Variants in ERVK3-1 observed in about 807,000 individuals in gnomAD.
ERVK3-1 encodes HERV-K(HML6-1).
rs1273283217 is a variant in ERVK3-1, at chr19:58,313,303, T to C, written c.294+841T>C. On this transcript the variant is annotated intron_variant, in intron 3 of 3. Transcript: ENST00000413518. This position sits in a 1 kb window ranked among gnomAD's most constrained non-coding sequence, Gnocchi z 4.5. ...GTTTTTTGTTGTTGTTGTTAACTGT[T>C]TGAGATGGAGTCTCACTCTGTCGCC... Among the ~76,000 whole-genome samples, 3 of 152,212 alleles carry C rather than the reference T, an allele frequency of 2.0e-5. No individual in the cohort carries two copies. Among genetic ancestry groups the C allele is most frequent in the African/African-American group, 7.2e-5 (3 of 41,448 alleles).
exon 4 of ERVK3-1, chr19:58,315,454 T>A (rs867481015): frequency 2.6e-5 from 4 of 152,338 alleles, no homozygotes; most frequent in South Asian, 4.1e-4. Flanking sequence ...CAATATGTGG[T>A]TTCTTGTGTC....
exon 4 of ERVK3-1, chr19:58,315,080 A>T: frequency 3.3e-6 from 1 of 304,230 alleles, no homozygotes; most frequent in East Asian, 5.2e-5. Flanking sequence ...TGTTAAATCA[A>T]ATAGCTGACC....
Position 58,310,141 on chromosome 19 carries a change from T to A in ERVK3-1, c.-3-2025T>A, listed in dbSNP as rs1430425124. 1 of 152,222 alleles carries A rather than the reference T, an allele frequency of 6.6e-6. No individual in the cohort carries two copies. The highest frequency in any genetic ancestry group is 1.5e-5 in the Non-Finnish European group (1 of 68,044). 9.4% of individuals were successfully genotyped at this position (152,222 alleles called of 1,614,324 possible). ...TAGAGTTTCAGCTCAACACTCTGAA[T>A]TAATGGCAGTTATTCAAGTTTTAAA... is the stretch of plus-strand genomic sequence containing the variant. On this transcript the variant is annotated intron_variant, in intron 2 of 3. Transcript: ENST00000413518. The surrounding 1 kb of genome is among the most constrained non-coding windows in gnomAD (Gnocchi z 4.7).
In ERVK3-1 at chr19:58,313,491, CCTT is replaced by C. The variant is rs113526965; in HGVS notation, c.294+1033_294+1035del. On this transcript the variant is annotated intron_variant, in intron 3 of 3. Coordinates refer to ENST00000413518, the Ensembl canonical transcript of ERVK3-1. The surrounding 1 kb of genome is among the most constrained non-coding windows in gnomAD (Gnocchi z 4.5). Reference sequence around the variant, plus strand: ...TATTTTTAATAGAAACGGGATTTCACCTTCTTGGCCAGGCTGCTCTTGAATTCC... The same window carrying C: ...TATTTTTAATAGAAACGGGATTTCACCTTGGCCAGGCTGCTCTTGAATTCC... Among the ~76,000 whole-genome samples, 20,669 of 152,074 alleles carry C rather than the reference CCTT, an allele frequency of 0.14. 2,300 individuals carry two copies. Among genetic ancestry groups the C allele is most frequent in the African/African-American group, 0.3 (12,370 of 41,406 alleles).
In ERVK3-1 at chr19:58,312,709, T is replaced by G. The variant is rs2051565136; in HGVS notation, c.294+247T>G. On this transcript the variant is annotated intron_variant, in intron 3 of 3. Coordinates refer to ENST00000413518, the Ensembl canonical transcript of ERVK3-1. The surrounding 1 kb of genome is among the most constrained non-coding windows in gnomAD (Gnocchi z 4.7). ...ACTGCAGCTGTCTTGCAGTCCAATC[T>G]CAGGCATGGTTAAGTCACCATGGAA... Among the ~76,000 whole-genome samples, 1 of 152,176 alleles carries G rather than the reference T, an allele frequency of 6.6e-6. No homozygotes were observed. Among genetic ancestry groups the G allele is most frequent in the Admixed American group, 6.5e-5 (1 of 15,274 alleles).
At position 58,313,666 on chromosome 19, in the gene ERVK3-1, T is replaced by C. The variant is rs1447555518; in HGVS notation, c.295-1082T>C. On this transcript the variant is annotated intron_variant, in intron 3 of 3. Coordinates refer to ENST00000413518, the Ensembl canonical transcript of ERVK3-1. The surrounding 1 kb of genome is among the most constrained non-coding windows in gnomAD (Gnocchi z 4.5). Reference sequence around the variant, plus strand: ...TCCACGTAAACATCACCCAGTTGACTTGTGACTCTTGTCAACTGTATCACT... The same window carrying C: ...TCCACGTAAACATCACCCAGTTGACCTGTGACTCTTGTCAACTGTATCACT... 6.6e-6 allele frequency among the ~76,000 whole-genome samples: 1 copy of C among 152,206 alleles called. No individual in the cohort carries two copies. The highest frequency in any genetic ancestry group is 1.5e-5 in the Non-Finnish European group (1 of 68,034).
chr19:58,308,235 A>G (rs2051536705), intron 2 of ERVK3-1, among the ~76,000 whole-genome samples: 1 of 152,254 alleles, frequency 6.6e-6, no homozygotes, highest in African/African-American at 2.4e-5. Context: ...ATCCCAACCC[A>G]TAGCTTCTAA....
chr19:58,311,855 T>C (rs61468392), intron 2 of ERVK3-1: 22,631 of 201,194 alleles, frequency 0.11, 1,858 homozygotes, highest in African/African-American at 0.23. Context: ...AAACAGGAAT[T>C]CCATACAATC....
intron 2 of ERVK3-1, among the ~76,000 whole-genome samples, chr19:58,306,793 C>G (rs2051526711): frequency 1.3e-5 from 2 of 152,108 alleles, no homozygotes; most frequent in South Asian, 4.1e-4. Context: ...TCCAAATAAT[C>G]CACAGCAGTT....
chr19:58,312,578 C>T lies in ERVK3-1; in HGVS notation c.294+116C>T, dbSNP rs994983967. 5.0e-6 allele frequency: 2 copies of T among 398,202 alleles called. No individual in the cohort carries two copies. The highest frequency in any genetic ancestry group is 8.9e-6 in the Non-Finnish European group (2 of 225,800). 24.7% of individuals were successfully genotyped at this position (398,202 alleles called of 1,614,324 possible). On this transcript the variant is annotated intron_variant, in intron 3 of 3. Coordinates refer to ENST00000413518, the Ensembl canonical transcript of ERVK3-1. The surrounding 1 kb of genome is among the most constrained non-coding windows in gnomAD (Gnocchi z 4.7). ...CCTGAGATATATTATGATCAGGGAG[C>T]GTGGGCACCAGGACCCCTAACTCCG...
intron 2 of ERVK3-1, among the ~76,000 whole-genome samples, chr19:58,307,616 TC>T (rs2051532115): frequency 1.3e-5 from 1 of 74,946 alleles, no homozygotes; most frequent in Non-Finnish European, 2.9e-5. Flanking sequence ...CGCCCCCCCC[TC>T]CCCGCCCCGC....
At chr19:58,308,246 T>C (rs916822525) in intron 2 of ERVK3-1, among the ~76,000 whole-genome samples, 20 of 152,250 alleles carry the variant, frequency 1.3e-4, no homozygotes, top group African/African-American at 3.6e-4. Flanking sequence ...TAGCTTCTAA[T>C]TGACCCACCT....
intron 2 of ERVK3-1, among the ~76,000 whole-genome samples, chr19:58,307,525 G>A (rs2051531138): frequency 6.6e-6 from 1 of 151,488 alleles, no homozygotes; most frequent in African/African-American, 2.4e-5. Flanking sequence ...GTGGGAAAAT[G>A]TTATAATTGT....
At chr19:58,314,156 T>C (rs1232910738) in intron 3 of ERVK3-1, among the ~76,000 whole-genome samples, 2 of 152,220 alleles carry the variant, frequency 1.3e-5, no homozygotes, top group Non-Finnish European at 2.9e-5. Flanking sequence ...CAATTTGGAA[T>C]AGAACCAAAG....
chr19:58,314,454 A>C (rs942502439), intron 3 of ERVK3-1, among the ~76,000 whole-genome samples: 2 of 151,856 alleles, frequency 1.3e-5, no homozygotes, highest in African/African-American at 4.8e-5. Flanking sequence ...GTGAAACCCC[A>C]TCTCTACTAA....
chr19:58,308,338 G>A (rs959917916), intron 2 of ERVK3-1, among the ~76,000 whole-genome samples: 2 of 152,190 alleles, frequency 1.3e-5, no homozygotes, highest in African/African-American at 2.4e-5. Context: ...AAAAACAATT[G>A]GCCCCTGCTA....
At chr19:58,305,584 CAG>C (rs75216746) in intron 1 of ERVK3-1, 139 bp downstream of exon 1, 19,545 of 152,052 alleles carry the variant, frequency 0.13, 1,387 homozygotes, top group Middle Eastern at 0.21. Context: ...TCGGCGCGGG[CAG>C]AGAGGCGCGC....
intron 2 of ERVK3-1, among the ~76,000 whole-genome samples, chr19:58,307,238 C>T (rs549145936): frequency 3.9e-5 from 6 of 152,354 alleles, no homozygotes; most frequent in African/African-American, 1.4e-4. Flanking sequence ...CACAGGAGCC[C>T]TTTGCACAAT....
At chr19:58,306,375 G>A (rs1224393651) in intron 2 of ERVK3-1, 159 bp downstream of exon 2, 2 of 152,176 alleles carry the variant, frequency 1.3e-5, no homozygotes, top group Non-Finnish European at 2.9e-5. Context: ...AGCTTCTGCA[G>A]GAGGTTATTA....
Sources: allele counts gnomAD v4.1 joint callset (sites outside exome capture counted in the v4.1 genomes callset), GRCh38; gene constraint gnomAD v4.1.1; non-coding constraint Gnocchi (gnomAD v3.1); transcripts MANE v1.5; gene names NCBI Gene and HGNC (gene_info 2026-07-23, HGNC 2026-07-21).